ITGB4: variants seen among roughly 807,000 people sequenced by gnomAD.
ITGB4 encodes the protein integrin beta-4.
A neutral mutation model predicts 207.6 loss-of-function variants in ITGB4; 159 were observed. That is an observed-to-expected ratio of 0.77 (90% CI 0.67 to 0.87). The LOEUF (loss-of-function observed/expected upper bound fraction) is 0.87. Among genes scored for constraint, ITGB4 ranks in the 40% least tolerant of loss-of-function variants. The probability of loss-of-function intolerance (pLI) is 0.00; values close to 1 mark genes in which losing one functional copy is unlikely to be tolerated. For synonymous variants in ITGB4, 1,020 were observed against 1,062.7 expected (o/e 0.96, Z 0.78); for missense variants, 2,278 against 2,546.8 (o/e 0.89, Z 2.27).
chr17:75,727,185 G>C lies in ITGB4; in HGVS notation c.80-10G>C. 6.2e-7 allele frequency: 1 copy of C among 1,613,490 alleles called. No homozygotes were observed. The highest frequency in any genetic ancestry group is 8.5e-7 in the Non-Finnish European group (1 of 1,179,712). On this transcript the variant is annotated splice_polypyrimidine_tract_variant and intron_variant, in intron 2 of 39. Coordinates refer to ENST00000200181, the MANE Select transcript of ITGB4 (RefSeq NM_000213.5). This position sits in a 1 kb window ranked among gnomAD's most constrained non-coding sequence, Gnocchi z 6.0. ...CCTCCCCATTCATGTGCCCACATCT[G>C]TCCCCCCAGCAAACCGCTGCAAGAA...
In ITGB4 at chr17:75,730,610, C is replaced by T. The variant is rs1165975249; in HGVS notation, c.1002+106C>T. ...CCTCCCTCCCTCCCTCCCTTCCTCC[C>T]TTCCTCCCTCCCTCTTTTCCTCCCT... On this transcript the variant is annotated intron_variant, in intron 8 of 39. Transcript: ENST00000200181. The T allele has an allele frequency of 4.3e-6, 5 of 1,155,028 alleles. No individual in the cohort carries two copies. In the African/African-American group the frequency reaches 4.6e-5, roughly 11 times the overall value. The allele number at this position is 1,155,028 out of a possible 1,614,324, so 71.5% of individuals were successfully genotyped here.
intron 7 of ITGB4, 114 bp from the exon 8 acceptor site, chr17:75,730,127 A>G: frequency 7.2e-7 from 1 of 1,383,604 alleles, no homozygotes; most frequent in Non-Finnish European, 1.0e-6. Flanking sequence ...CTGTGAATCC[A>G]GTGGCTTAAG....
At chr17:75,751,451 C>A in intron 30 of ITGB4, 1 of 372,956 alleles carries the variant, frequency 2.7e-6, no homozygotes, top group Non-Finnish European at 5.1e-6. Context: ...ATTTAGCAAA[C>A]AGAAATACAG....
chr17:75,728,817 T>C (rs547785589), intron 6 of ITGB4, among the ~76,000 whole-genome samples: 1 of 152,150 alleles, frequency 6.6e-6, no homozygotes, highest in East Asian at 1.9e-4. Flanking sequence ...ACCCCGTCTC[T>C]ACTAAAAATA....
At position 75,726,796 on chromosome 17, in the gene ITGB4, G is replaced by A. The variant is rs192307380; in HGVS notation, c.80-399G>A. 4.6e-4 allele frequency among the ~76,000 whole-genome samples: 69 copies of A among 151,590 alleles called. 1 individual carries two copies. In the East Asian group the frequency reaches 9.5e-3, roughly 21 times the overall value. On this transcript the variant is annotated intron_variant, in intron 2 of 39. Coordinates refer to ENST00000200181, the MANE Select transcript of ITGB4 (RefSeq NM_000213.5). Reference sequence around the variant, plus strand: ...CAAACCAAAATAAATACATAAGGCCGGGCCCGGTGGCTCCCACCTGTAATC... The same window carrying A: ...CAAACCAAAATAAATACATAAGGCCAGGCCCGGTGGCTCCCACCTGTAATC...
At position 75,727,601 on chromosome 17, in the gene ITGB4, G is replaced by A. The variant is rs1326555982; in HGVS notation, c.265-50G>A. The A allele has an allele frequency of 5.7e-6, 9 of 1,579,984 alleles. No individual in the cohort carries two copies. Among genetic ancestry groups the A allele is most frequent in the African/African-American group, 5.4e-5 (4 of 74,218 alleles). On this transcript the variant is annotated intron_variant, in intron 4 of 39. Coordinates refer to ENST00000200181, the MANE Select transcript of ITGB4 (RefSeq NM_000213.5). This position sits in a 1 kb window ranked among gnomAD's most constrained non-coding sequence, Gnocchi z 6.0. The stretch of plus-strand genomic sequence containing the variant: ...CCCTTGGCCGGGCTGGGCCCCCATC[G>A]GGCCTCCGGAGTGACCCTCTAGCCA...
rs761569931 is a variant in ITGB4, at chr17:75,742,412, C to T, written c.2705C>T (p.Thr902Ile). 1 of 1,613,312 alleles carries T rather than the reference C, an allele frequency of 6.2e-7. No homozygotes were observed. Among genetic ancestry groups the T allele is most frequent in the South Asian group, 1.1e-5 (1 of 91,054 alleles). ...GCCAAGCCGGCCCTGCTGAAGCTTA[C>T]AGAGAAGCAGGTGGAACAGAGGGCC... The part of the protein sequence containing the change: ...RSAKPALLKL[T>I]EKQVEQRAFH... The change falls in exon 24 of 40, where the codon ACA becomes ATA. Residue 902 changes from threonine (T) to isoleucine (I), a missense_variant. Transcript: ENST00000200181. The surrounding 1 kb of genome is among the most constrained non-coding windows in gnomAD (Gnocchi z 5.9).
At chr17:75,745,591 A>G (rs1431175945) in intron 26 of ITGB4, among the ~76,000 whole-genome samples, 1 of 151,810 alleles carries the variant, frequency 6.6e-6, no homozygotes, top group Non-Finnish European at 1.5e-5. Flanking sequence ...TAATAATAAT[A>G]ATAAAGGCCA....
intron 35 of ITGB4, among the ~76,000 whole-genome samples, chr17:75,756,192 C>T (rs1274196359): frequency 6.6e-6 from 1 of 152,170 alleles, no homozygotes; most frequent in South Asian, 2.1e-4. Context: ...ACATTCAAAG[C>T]AGCATGACCA....
intron 18 of ITGB4, among the ~76,000 whole-genome samples, chr17:75,738,238 C>T (rs754268412): frequency 5.9e-5 from 9 of 151,366 alleles, no homozygotes; most frequent in South Asian, 2.1e-4. Flanking sequence ...ATCCAGCTTC[C>T]GGAGTGACAG....
At chr17:75,756,359 G>A in intron 35 of ITGB4, 70 bp from the exon 36 acceptor site, 1 of 1,564,420 alleles carries the variant, frequency 6.4e-7, no homozygotes, top group Non-Finnish European at 8.8e-7. Flanking sequence ...GGCAGCTTAG[G>A]GACGAGGAGG....
At position 75,722,228 on chromosome 17, in the gene ITGB4, C is replaced by A. The variant is rs2060629510; in HGVS notation, c.-11+616C>A. ...CTTCAGGAAGCTCTACAGGCCTCAC[C>A]CACCAGCCCCAGGGCTGTGCCCAAC... On this transcript the variant is annotated intron_variant, in intron 1 of 39. Coordinates refer to ENST00000200181, the MANE Select transcript of ITGB4 (RefSeq NM_000213.5). This position sits in a 1 kb window ranked among gnomAD's most constrained non-coding sequence, Gnocchi z 6.2. Among the ~76,000 whole-genome samples the A allele has an allele frequency of 6.6e-6, 1 of 152,192 alleles. No individual in the cohort carries two copies. The highest frequency in any genetic ancestry group is 2.1e-4 in the South Asian group (1 of 4,828).
At chr17:75,744,003 G>A (rs949203236) in intron 26 of ITGB4, 142 bp downstream of exon 26, 13 of 908,754 alleles carry the variant, frequency 1.4e-5, no homozygotes, top group Admixed American at 2.5e-5. Flanking sequence ...CCAAGGACAC[G>A]TCCACCTGCT....
chr17:75,723,181 A>G (rs2060650804), intron 1 of ITGB4, among the ~76,000 whole-genome samples: 1 of 151,984 alleles, frequency 6.6e-6, no homozygotes, highest in South Asian at 2.1e-4. Flanking sequence ...TGTCCGCGGG[A>G]TGGGGAAGTT....
At chr17:75,755,457 G>A (rs773728822) in intron 34 of ITGB4, among the ~76,000 whole-genome samples, 2 of 152,176 alleles carry the variant, frequency 1.3e-5, no homozygotes, top group African/African-American at 2.4e-5. Context: ...AGCAGTTGAG[G>A]GGGTGGGGCT....
intron 26 of ITGB4, among the ~76,000 whole-genome samples, chr17:75,747,754 A>G (rs60589140): frequency 0.085 from 12,902 of 152,142 alleles, 995 homozygotes; most frequent in East Asian, 0.2. Context: ...GGTTCAAGCA[A>G]TTCTCCTGCC....
At chr17:75,736,799 G>C (rs1459358726) in intron 16 of ITGB4, 105 bp downstream of exon 16, 3 of 1,292,970 alleles carry the variant, frequency 2.3e-6, no homozygotes, top group Admixed American at 4.0e-5. Flanking sequence ...TCTGGGCTAA[G>C]GTCACACAGT....
In ITGB4 at chr17:75,740,314, G is replaced by T; in HGVS notation, c.2447-44G>T. On this transcript the variant is annotated intron_variant, in intron 20 of 39. Coordinates refer to ENST00000200181, the MANE Select transcript of ITGB4 (RefSeq NM_000213.5). The surrounding 1 kb of genome is among the most constrained non-coding windows in gnomAD (Gnocchi z 5.9). ...GCTCTGTGGTGCCTGTCATGCAGGG[G>T]GCTGACCACCTCCATCTCACCCCCT... is the stretch of plus-strand genomic sequence containing the variant. 3 of 1,532,970 alleles carry T rather than the reference G, an allele frequency of 2.0e-6. No homozygotes were observed. Among genetic ancestry groups the T allele is most frequent in the Non-Finnish European group, 2.7e-6 (3 of 1,115,086 alleles). 95.0% of individuals were successfully genotyped at this position (1,532,970 alleles called of 1,614,324 possible).
Position 75,736,031 on chromosome 17 carries a change from T to C in ITGB4, c.1658-20T>C. The C allele has an allele frequency of 6.2e-7, 1 of 1,611,916 alleles. No individual in the cohort carries two copies. Among genetic ancestry groups the C allele is most frequent in the Non-Finnish European group, 8.5e-7 (1 of 1,178,892 alleles). On this transcript the variant is annotated intron_variant, in intron 13 of 39. Coordinates refer to ENST00000200181, the MANE Select transcript of ITGB4 (RefSeq NM_000213.5). Reference sequence around the variant, plus strand: ...GGCACAGATGTAGCTCTCATCTCCCTTCCTTGTCCCTCTCTGCAGACCGAG... The same window carrying C: ...GGCACAGATGTAGCTCTCATCTCCCCTCCTTGTCCCTCTCTGCAGACCGAG...
Sources: gnomAD v4.1 joint callset for allele counts (sites outside exome capture counted in the v4.1 genomes callset) on GRCh38, gnomAD v4.1.1 for gene constraint, Gnocchi (gnomAD v3.1) non-coding constraint, MANE v1.5 for transcripts, NCBI Gene and HGNC (gene_info 2026-07-23, HGNC 2026-07-21) for gene names.